The following TLL2 variants were observed in gnomAD, a reference collection of about 807,000 sequenced individuals.
The protein encoded by TLL2 is tolloid-like protein 2.
TLL2 carries 106 observed loss-of-function variants against 123.0 expected under a neutral mutation model. The ratio of observed to expected loss-of-function variants is 0.86; its 90% CI spans 0.74 to 1.01. TLL2 has a LOEUF of 1.01. TLL2 is among the 50% of genes least tolerant of loss of function. The pLI, the probability that TLL2 is intolerant of heterozygous loss-of-function variation, is 0.00. For missense variants in TLL2, 1,332 were observed against 1,336.7 expected (o/e 1.00, Z 0.06); for synonymous variants, 494 against 516.8 (o/e 0.96, Z 0.60).
rs534159142 is a variant in TLL2, at chr10:96,400,788, C to T, written c.1268-3486G>A. Among the ~76,000 whole-genome samples the T allele has an allele frequency of 3.3e-5, 5 of 152,240 alleles. No individual in the cohort carries two copies. The South Asian group carries it at 1.0e-3, about 32-fold the overall frequency. On this transcript the variant is annotated intron_variant, in intron 10 of 20. Transcript: ENST00000357947. ...TGCATTGTTAGAGTAATTCCTCTAA[C>T]AGAAATAAGGGAGGGAATCCAATTT...
At chr10:96,457,814 C>A (rs959329858) in intron 2 of TLL2, among the ~76,000 whole-genome samples, 1 of 152,128 alleles carries the variant, frequency 6.6e-6, no homozygotes, top group Non-Finnish European at 1.5e-5. Flanking sequence ...ATGCTGAAGG[C>A]CAAAAATTGG....
At chr10:96,387,770 G>T (rs1232268403) in intron 13 of TLL2, among the ~76,000 whole-genome samples, 1 of 152,128 alleles carries the variant, frequency 6.6e-6, no homozygotes, top group East Asian at 1.9e-4. Flanking sequence ...ACAGCACATA[G>T]CATGCCATCG....
In TLL2 at chr10:96,410,492, C is replaced by G; in HGVS notation, c.1049-18G>C. The G allele has an allele frequency of 6.2e-7, 1 of 1,605,158 alleles. No homozygotes were observed. Among genetic ancestry groups the G allele is most frequent in the Non-Finnish European group, 8.5e-7 (1 of 1,172,212 alleles). Reference sequence around the variant, plus strand: ...CCCACACGCTGCACAAGCAAAATCACAACTGTGATGTGGCATATGCACCTC... The same window carrying G: ...CCCACACGCTGCACAAGCAAAATCAGAACTGTGATGTGGCATATGCACCTC... On this transcript the variant is annotated intron_variant, in intron 8 of 20. Transcript: ENST00000357947.
At position 96,464,511 on chromosome 10, in the gene TLL2, C is replaced by T. The variant is rs1048568121; in HGVS notation, c.286+15838G>A. On this transcript the variant is annotated intron_variant, in intron 2 of 20. Transcript: ENST00000357947. ...CACCCTAGAATGTTGGCCTTGTGAG[C>T]GGCAGCAGTACAGACAGGGATGGAT... Among the ~76,000 whole-genome samples, 4 of 152,092 alleles carry T rather than the reference C, an allele frequency of 2.6e-5. No homozygotes were observed. The South Asian group carries it at 6.2e-4, about 24-fold the overall frequency.
At chr10:96,474,238 C>G (rs1464170222) in intron 2 of TLL2, among the ~76,000 whole-genome samples, 1 of 152,116 alleles carries the variant, frequency 6.6e-6, no homozygotes, top group African/African-American at 2.4e-5. Flanking sequence ...AATGCGGCTG[C>G]CACATCCTCC....
intron 5 of TLL2, among the ~76,000 whole-genome samples, chr10:96,427,370 C>A (rs1251606508): frequency 6.6e-6 from 1 of 152,174 alleles, no homozygotes; most frequent in Non-Finnish European, 1.5e-5. Flanking sequence ...CTCTGTGAAT[C>A]TCTACTTATT....
At chr10:96,388,422 TC>T (rs1473688426) in intron 13 of TLL2, among the ~76,000 whole-genome samples, 1 of 152,098 alleles carries the variant, frequency 6.6e-6, no homozygotes, top group Non-Finnish European at 1.5e-5. Flanking sequence ...AAAAAGTTGT[TC>T]ACCAAATCTT....
At chr10:96,462,005 C>G (rs1404469008) in intron 2 of TLL2, among the ~76,000 whole-genome samples, 1 of 152,256 alleles carries the variant, frequency 6.6e-6, no homozygotes, top group Non-Finnish European at 1.5e-5. Context: ...ACAGCAGACG[C>G]TTACAAAATA....
intron 1 of TLL2, among the ~76,000 whole-genome samples, chr10:96,484,438 C>T (rs1847338899): frequency 6.6e-6 from 1 of 152,088 alleles, no homozygotes; most frequent in African/African-American, 2.4e-5. Context: ...CACATACAGC[C>T]TTTGCAAAAT....
At chr10:96,448,789 C>A (rs1203533558) in intron 2 of TLL2, among the ~76,000 whole-genome samples, 2 of 151,934 alleles carry the variant, frequency 1.3e-5, no homozygotes, top group Non-Finnish European at 1.5e-5. Context: ...GTGGGTACGA[C>A]TGGAATGGAA....
Position 96,395,856 on chromosome 10 carries a change from C to G in TLL2, c.1530+19G>C. 6.2e-7 allele frequency: 1 copy of G among 1,609,046 alleles called. No individual in the cohort carries two copies. Among genetic ancestry groups the G allele is most frequent in the Non-Finnish European group, 8.5e-7 (1 of 1,177,818 alleles). On this transcript the variant is annotated intron_variant, in intron 12 of 20. Coordinates refer to ENST00000357947, the MANE Select transcript of TLL2 (RefSeq NM_012465.4). ...AAAAGTTGCCGTTTCCTTGGGAAGC[C>G]GGTCTGAGCAGCACTCACCTCAAAA...
At position 96,513,492 on chromosome 10, in the gene TLL2, C is replaced by T. The variant is rs201748606; in HGVS notation, c.175+19G>A. ...TCAAAGGCAAACTTCTGCGGGACTT[C>T]CCCAGCGGCGGCACCTACCGGCTTT... On this transcript the variant is annotated intron_variant, in intron 1 of 20. Transcript: ENST00000357947. 1.2e-6 allele frequency: 2 copies of T among 1,611,624 alleles called. No individual in the cohort carries two copies. Among genetic ancestry groups the T allele is most frequent in the South Asian group, 2.2e-5 (2 of 91,062 alleles).
chr10:96,380,028 T>C (rs560681322), intron 16 of TLL2, among the ~76,000 whole-genome samples: 26 of 152,362 alleles, frequency 1.7e-4, no homozygotes, highest in Middle Eastern at 3.4e-3. Flanking sequence ...CTTGTGGCCA[T>C]GGGCAGTTCC....
intron 17 of TLL2, among the ~76,000 whole-genome samples, chr10:96,378,679 T>A (rs1846158887): frequency 6.6e-6 from 1 of 152,180 alleles, no homozygotes; most frequent in Non-Finnish European, 1.5e-5. Context: ...GTCACACAGC[T>A]AGGGAACGGC....
intron 16 of TLL2, among the ~76,000 whole-genome samples, chr10:96,382,156 C>G (rs1325148418): frequency 6.6e-6 from 1 of 152,192 alleles, no homozygotes; most frequent in African/African-American, 2.4e-5. Context: ...CTCAGCCTCC[C>G]GAGTAGCTGG....
At chr10:96,437,022 C>T (rs1441946714) in intron 3 of TLL2, among the ~76,000 whole-genome samples, 5 of 152,036 alleles carry the variant, frequency 3.3e-5, no homozygotes, top group African/African-American at 1.2e-4. Context: ...GTGTTTGCCT[C>T]ATATAGCTTT....
rs199955092 is a variant in TLL2, at chr10:96,368,063, T to C, written c.*25A>G. On this transcript the variant is annotated 3_prime_UTR_variant, in exon 21 of 21. Coordinates refer to ENST00000357947, the MANE Select transcript of TLL2 (RefSeq NM_012465.4). ...AAAACAAAACAAAAAAAATTCTCAGTTTCTGTCTTTCAAGAACATCAGCAC... is the reference window on the plus strand; with the variant it reads ...AAAACAAAACAAAAAAAATTCTCAGCTTCTGTCTTTCAAGAACATCAGCAC... The C allele has an allele frequency of 3.4e-5, 55 of 1,610,174 alleles. No individual in the cohort carries two copies. Among genetic ancestry groups the C allele is most frequent in the Non-Finnish European group, 4.3e-5 (51 of 1,177,938 alleles).
At chr10:96,390,441 C>A (rs944896483) in intron 13 of TLL2, among the ~76,000 whole-genome samples, 5 of 152,334 alleles carry the variant, frequency 3.3e-5, no homozygotes, top group African/African-American at 1.2e-4. Flanking sequence ...CCCAAAGTAA[C>A]CAGAATTGTT....
intron 7 of TLL2, 24 bp downstream of exon 7, chr10:96,420,932 C>T (rs772284677): frequency 8.7e-6 from 14 of 1,607,316 alleles, no homozygotes; most frequent in African/African-American, 4.0e-5. Flanking sequence ...AAAACACAGA[C>T]GAGGCATAAG....
Sources: gnomAD v4.1 joint callset for allele counts (sites outside exome capture counted in the v4.1 genomes callset) on GRCh38, gnomAD v4.1.1 for gene constraint, MANE v1.5 for transcripts, NCBI Gene and HGNC (gene_info 2026-07-23, HGNC 2026-07-21) for gene names.